Variants in IL1RAPL1 observed in about 807,000 individuals in gnomAD.
IL1RAPL1 encodes the protein interleukin-1 receptor accessory protein-like 1.
In IL1RAPL1, 3 loss-of-function variants were observed where a neutral mutation model predicts 48.4. The observed-to-expected ratio is 0.06, with a 90% CI of 0.03 to 0.16. The LOEUF (loss-of-function observed/expected upper bound fraction) is 0.16. IL1RAPL1 is among the 10% of genes least tolerant of loss of function. The pLI is 1.00. For synonymous variants in IL1RAPL1, 185 were observed against 187.7 expected, an observed-to-expected ratio of 0.99 and a Z score of 0.12; for missense variants, 349 against 530.6, an observed-to-expected ratio of 0.66 and a Z score of 3.36.
intron 1 of IL1RAPL1, among the ~76,000 whole-genome samples, chrX:28,643,974 T>G (rs1934578440): frequency 8.9e-6 from 1 of 112,024 alleles, no homozygotes; most frequent in South Asian, 3.8e-4. Flanking sequence ...TTCTTTAGAA[T>G]GCAAACATCT....
rs145498851 is a variant in IL1RAPL1, at chrX:29,607,079, T to C, written c.704-61351T>C. Among the ~76,000 whole-genome samples the C allele has an allele frequency of 9.8e-3, 1,095 of 112,185 alleles. 12 individuals are homozygous for C. The highest frequency in any genetic ancestry group is 0.033 in the African/African-American group (1,008 of 30,918). ...ACTATCACTGAGTTTTGCATGATTT[T>C]TAGTGACACTAATTTTATCATGTAG... On this transcript the variant is annotated intron_variant, in intron 5 of 10. Transcript: ENST00000378993.
At chrX:29,699,896 A>G (rs1027670463) in intron 6 of IL1RAPL1, among the ~76,000 whole-genome samples, 5 of 112,441 alleles carry the variant, frequency 4.4e-5, no homozygotes, top group Non-Finnish European at 7.5e-5. Flanking sequence ...TTTTAAAAAT[A>G]GAAATATGGT....
chrX:28,873,792 A>G (rs1230512710), intron 2 of IL1RAPL1, among the ~76,000 whole-genome samples: 10 of 108,903 alleles, frequency 9.2e-5, no homozygotes, highest in African/African-American at 3.0e-4. Context: ...TGGCCTCCCA[A>G]AGTGCTGGGA....
chrX:29,230,510 A>ATAAAAAAC (rs1931173658), intron 2 of IL1RAPL1, among the ~76,000 whole-genome samples: 1 of 74,985 alleles, frequency 1.3e-5, no homozygotes, highest in Admixed American at 1.7e-4. Flanking sequence ...TTACCAAAAA[A>ATAAAAAAC]AAAAAAAAAA....
chrX:28,919,097 A>G (rs1923556036), intron 2 of IL1RAPL1, among the ~76,000 whole-genome samples: 2 of 111,826 alleles, frequency 1.8e-5, no homozygotes, highest in Non-Finnish European at 3.8e-5. Context: ...ATACTACAGG[A>G]ACATCACATG....
intron 2 of IL1RAPL1, among the ~76,000 whole-genome samples, chrX:29,018,676 C>G (rs984440810): frequency 9.8e-5 from 11 of 111,914 alleles, no homozygotes; most frequent in African/African-American, 3.2e-4. Flanking sequence ...ATATGAATCT[C>G]TCTATTTGCC....
chrX:29,278,031 G>T (rs183557517), intron 2 of IL1RAPL1, among the ~76,000 whole-genome samples: 1 of 111,039 alleles, frequency 9.0e-6, no homozygotes, highest in South Asian at 3.8e-4. Flanking sequence ...TTTGGGTTTC[G>T]GATTTTCTGA....
Position 28,913,630 on chromosome X carries a change from G to T in IL1RAPL1, c.82+124205G>T, listed in dbSNP as rs1356098976. ...CACTTGAGCCCAGGAGTTCAAGGCT[G>T]CAATGAGCTATGATTGCATCATTGC... On this transcript the variant is annotated intron_variant, in intron 2 of 10. Coordinates refer to ENST00000378993, the MANE Select transcript of IL1RAPL1 (RefSeq NM_014271.4). Among the ~76,000 whole-genome samples, 5 of 111,419 alleles carry T rather than the reference G, an allele frequency of 4.5e-5. No homozygotes were observed. The Admixed American group carries it at 4.8e-4, about 11-fold the overall frequency.
chrX:29,333,414 C>T (rs1932913879), intron 3 of IL1RAPL1, among the ~76,000 whole-genome samples: 6 of 98,777 alleles, frequency 6.1e-5, no homozygotes, highest in African/African-American at 1.8e-4. Flanking sequence ...GGCTGACCCC[C>T]CCACCTCCCT....
intron 2 of IL1RAPL1, among the ~76,000 whole-genome samples, chrX:28,861,903 ATATACT>A (rs1162426162): frequency 1.8e-5 from 2 of 111,249 alleles, no homozygotes; most frequent in East Asian, 2.8e-4. Flanking sequence ...TCATAGAATA[ATATACT>A]TAGAGGACAT....
At chrX:29,803,200 TAC>T (rs1174516251) in intron 6 of IL1RAPL1, among the ~76,000 whole-genome samples, 1 of 39,149 alleles carries the variant, frequency 2.6e-5, no homozygotes, top group South Asian at 9.0e-4. Flanking sequence ...TGTATACATA[TAC>T]ACACATGTAT....
At chrX:29,695,605 A>G (rs1926888327) in intron 6 of IL1RAPL1, among the ~76,000 whole-genome samples, 2 of 108,569 alleles carry the variant, frequency 1.8e-5, no homozygotes, top group Admixed American at 2.0e-4. Context: ...GGCGAGAGAG[A>G]GAGAGAGAGA....
chrX:29,322,427 G>A (rs777633899), intron 3 of IL1RAPL1, among the ~76,000 whole-genome samples: 1 of 109,867 alleles, frequency 9.1e-6, no homozygotes, highest in Non-Finnish European at 1.9e-5. Flanking sequence ...CCACCATGCC[G>A]GCTAATTTTG....
chrX:29,599,874 G>C (rs760726220), intron 5 of IL1RAPL1, among the ~76,000 whole-genome samples: 1 of 111,245 alleles, frequency 9.0e-6, no homozygotes, highest in Admixed American at 9.5e-5. Context: ...AGTTGTGATT[G>C]TTTTTTATTT....
intron 2 of IL1RAPL1, among the ~76,000 whole-genome samples, chrX:28,829,694 G>T (rs1266882103): frequency 1.8e-5 from 2 of 108,553 alleles, no homozygotes; most frequent in African/African-American, 6.7e-5. Flanking sequence ...GGAGTAGCTG[G>T]GATTACAGGC....
At position 29,665,707 on chromosome X, in the gene IL1RAPL1, C is replaced by G. The variant is rs773875871; in HGVS notation, c.704-2723C>G. 4.5e-5 allele frequency among the ~76,000 whole-genome samples: 5 copies of G among 112,121 alleles called. No individual in the cohort carries two copies. In the East Asian group the frequency reaches 1.1e-3, roughly 25 times the overall value. On this transcript the variant is annotated intron_variant, in intron 5 of 10. Coordinates refer to ENST00000378993, the MANE Select transcript of IL1RAPL1 (RefSeq NM_014271.4). ...ATCAGTGGCTCAGCCATTGTGGTCTCTGGAAGTTTCCCTTCACTTCTATCA... is the reference window on the plus strand; with the variant it reads ...ATCAGTGGCTCAGCCATTGTGGTCTGTGGAAGTTTCCCTTCACTTCTATCA...
intron 5 of IL1RAPL1, among the ~76,000 whole-genome samples, chrX:29,493,716 G>A (rs1216015044): frequency 9.0e-6 from 1 of 111,167 alleles, no homozygotes; most frequent in African/African-American, 3.3e-5. Context: ...ACATGTGCAG[G>A]TTTGTTACAT....
At chrX:28,629,246 G>A (rs758069784) in intron 1 of IL1RAPL1, among the ~76,000 whole-genome samples, 24 of 111,472 alleles carry the variant, frequency 2.2e-4, no homozygotes, top group Admixed American at 1.2e-3. Flanking sequence ...AAGAAAAGGC[G>A]CCCTTGTTTC....
intron 5 of IL1RAPL1, among the ~76,000 whole-genome samples, chrX:29,535,481 A>G (rs1203299971): frequency 9.0e-6 from 1 of 111,615 alleles, no homozygotes; most frequent in Non-Finnish European, 1.9e-5. Context: ...GTACCATCCT[A>G]GGGCTACTGA....
Sources: allele counts gnomAD v4.1 joint callset (sites outside exome capture counted in the v4.1 genomes callset), GRCh38; gene constraint gnomAD v4.1.1; transcripts MANE v1.5; gene names NCBI Gene and HGNC (gene_info 2026-07-23, HGNC 2026-07-21).